The following ARL15 variants were observed in gnomAD, a reference collection of about 807,000 sequenced individuals.
ARL15 encodes the protein ADP-ribosylation factor-like protein 15.
ARL15 carries 19 observed loss-of-function variants against 25.2 expected under a neutral mutation model. The ratio of observed to expected loss-of-function variants is 0.75; its 90% CI spans 0.53 to 1.10. The LOEUF (loss-of-function observed/expected upper bound fraction) is 1.10, where lower values mean the gene tolerates loss of function less well. Ranked by LOEUF, ARL15 falls within the 50% of genes least tolerant of loss-of-function variation. The pLI is 0.00. For missense variants in ARL15, 220 were observed against 246.0 expected (o/e 0.89, Z 0.71); for synonymous variants, 94 against 86.8 (o/e 1.08, Z -0.46).
chr5:54,193,623 C>T (rs1755466227), intron 1 of ARL15, among the ~76,000 whole-genome samples: 2 of 152,094 alleles, frequency 1.3e-5, no homozygotes, highest in Admixed American at 1.3e-4. Flanking sequence ...CCCTCCACCC[C>T]AGTCGATAGA....
At chr5:54,098,818 C>A (rs1047267485) in intron 4 of ARL15, among the ~76,000 whole-genome samples, 1 of 152,050 alleles carries the variant, frequency 6.6e-6, no homozygotes, top group Non-Finnish European at 1.5e-5. Context: ...CAAAGAAAAC[C>A]CATTCTAGGA....
intron 1 of ARL15, among the ~76,000 whole-genome samples, chr5:54,293,342 AAT>A (rs1758379937): frequency 6.6e-6 from 1 of 152,150 alleles, no homozygotes; most frequent in Admixed American, 6.5e-5. Flanking sequence ...CTCACTGATT[AAT>A]ATATAATAAT....
chr5:54,147,006 C>T (rs1561242328), intron 3 of ARL15, among the ~76,000 whole-genome samples: 1 of 152,142 alleles, frequency 6.6e-6, no homozygotes, highest in African/African-American at 2.4e-5. Flanking sequence ...TTTCCCTTAG[C>T]AAGTGTAAAA....
chr5:54,023,437 A>C (rs933717431), intron 4 of ARL15, among the ~76,000 whole-genome samples: 1 of 152,188 alleles, frequency 6.6e-6, no homozygotes, highest in Admixed American at 6.5e-5. Context: ...GGCAGACTTA[A>C]GCTCTAGACT....
chr5:54,149,771 T>G (rs1754009173), intron 3 of ARL15, among the ~76,000 whole-genome samples: 1 of 152,178 alleles, frequency 6.6e-6, no homozygotes, highest in African/African-American at 2.4e-5. Flanking sequence ...GCATCCTTGT[T>G]AGGTATCTTG....
At chr5:53,907,446 G>A (rs1317922677) in intron 4 of ARL15, among the ~76,000 whole-genome samples, 5 of 107,138 alleles carry the variant, frequency 4.7e-5, no homozygotes, top group African/African-American at 1.4e-4. Context: ...TGAAAGGTTG[G>A]CTTAAGAGTT....
In ARL15 at chr5:54,008,554, C is replaced by A. The variant is rs1749123511; in HGVS notation, c.462+104648G>T. 2.6e-5 allele frequency among the ~76,000 whole-genome samples: 4 copies of A among 152,174 alleles called. No homozygotes were observed. The South Asian group carries it at 8.3e-4, about 32-fold the overall frequency. On this transcript the variant is annotated intron_variant, in intron 4 of 4. Transcript: ENST00000504924. ...GGAGAATGTGGCCTCTGATCACTAA[C>A]CAGGGTTTTCTCTTTACACTGGCTT...
chr5:54,128,705 T>TC (rs1753338276), intron 3 of ARL15, among the ~76,000 whole-genome samples: 1 of 120,774 alleles, frequency 8.3e-6, no homozygotes, highest in African/African-American at 2.8e-5. Context: ...TTATTTTGAT[T>TC]CTTTTTTTTT....
chr5:54,031,415 A>T (rs1401640297), intron 4 of ARL15, among the ~76,000 whole-genome samples: 1 of 152,186 alleles, frequency 6.6e-6, no homozygotes, highest in Non-Finnish European at 1.5e-5. Flanking sequence ...GAGGTCTTAA[A>T]GGAAACATTC....
intron 3 of ARL15, among the ~76,000 whole-genome samples, chr5:54,130,516 T>C (rs753742734): frequency 2.0e-5 from 3 of 152,212 alleles, no homozygotes; most frequent in Non-Finnish European, 4.4e-5. Context: ...ATGTAATTTA[T>C]TATTATTTGA....
chr5:53,922,113 T>C (rs1366005828), intron 4 of ARL15, among the ~76,000 whole-genome samples: 1 of 152,244 alleles, frequency 6.6e-6, no homozygotes, highest in Non-Finnish European at 1.5e-5. Flanking sequence ...AGTTAATTAC[T>C]GACCCTCAGC....
chr5:54,083,668 T>C (rs944974440), intron 4 of ARL15, among the ~76,000 whole-genome samples: 1 of 152,196 alleles, frequency 6.6e-6, no homozygotes, highest in African/African-American at 2.4e-5. Flanking sequence ...TTATTAATAA[T>C]AGATGTAAAT....
chr5:54,058,819 C>T (rs1750970583), intron 4 of ARL15, among the ~76,000 whole-genome samples: 2 of 152,098 alleles, frequency 1.3e-5, no homozygotes, highest in Non-Finnish European at 2.9e-5. Flanking sequence ...CATCTAACTA[C>T]AGTTTCAAGG....
chr5:54,223,531 A>G (rs939067131), intron 1 of ARL15, among the ~76,000 whole-genome samples: 1 of 152,172 alleles, frequency 6.6e-6, no homozygotes. Context: ...TTGACAAACT[A>G]TTTGGCCCAC....
rs188714627 is a variant in ARL15, at chr5:54,140,046, G to A, written c.253+14534C>T. Among the ~76,000 whole-genome samples the A allele has an allele frequency of 1.6e-3, 249 of 152,126 alleles. 2 individuals are homozygous for A. The highest frequency in any genetic ancestry group is 8.1e-3 in the Admixed American group (123 of 15,262). The stretch of plus-strand genomic sequence containing the variant: ...GTTTGCAAAATAGACAACTATATAT[G>A]AGTAACAGCAAAGAAAGCCCAAATT... On this transcript the variant is annotated intron_variant, in intron 3 of 4. Coordinates refer to ENST00000504924, the MANE Select transcript of ARL15 (RefSeq NM_019087.3).
At chr5:54,176,032 C>T (rs965827469) in intron 1 of ARL15, among the ~76,000 whole-genome samples, 2 of 152,156 alleles carry the variant, frequency 1.3e-5, no homozygotes, top group African/African-American at 4.8e-5. Context: ...GTCATAAGGA[C>T]ATCCAACATG....
chr5:54,166,123 T>C (rs1169062962), intron 2 of ARL15, among the ~76,000 whole-genome samples: 1 of 152,132 alleles, frequency 6.6e-6, no homozygotes, highest in Non-Finnish European at 1.5e-5. Flanking sequence ...ATATTCTTTA[T>C]CACCGGTTTT....
At chr5:54,215,218 GT>G (rs543806721) in intron 1 of ARL15, among the ~76,000 whole-genome samples, 149 of 149,416 alleles carry the variant, frequency 1.0e-3, no homozygotes, top group African/African-American at 2.6e-3. Context: ...CTGTCTTAAA[GT>G]TTTTTTTTTT....
intron 1 of ARL15, among the ~76,000 whole-genome samples, chr5:54,212,486 C>T (rs2112510335): frequency 6.6e-6 from 1 of 152,274 alleles, no homozygotes; most frequent in East Asian, 1.9e-4. Context: ...AACACAGCCA[C>T]ATCTAGTTGT....
Sources: gnomAD v4.1 joint callset for allele counts (sites outside exome capture counted in the v4.1 genomes callset) on GRCh38, gnomAD v4.1.1 for gene constraint, MANE v1.5 for transcripts, NCBI Gene and HGNC (gene_info 2026-07-23, HGNC 2026-07-21) for gene names.